Variants in SEMA5A observed in about 807,000 individuals in gnomAD.
The protein encoded by SEMA5A is semaphorin-5A.
Under a neutral mutation model 135.5 loss-of-function variants are expected in SEMA5A, and 55 were observed. The ratio of observed to expected loss-of-function variants is 0.41; its 90% CI spans 0.33 to 0.51. SEMA5A has a LOEUF of 0.51. Among genes scored for constraint, SEMA5A ranks in the 20% least tolerant of loss-of-function variants. The pLI is 0.37. For synonymous variants in SEMA5A, 580 were observed against 546.5 expected, an observed-to-expected ratio of 1.06 and a Z score of -0.85; for missense variants, 1,290 against 1,419.9, an observed-to-expected ratio of 0.91 and a Z score of 1.47.
In SEMA5A at chr5:9,247,047, T is replaced by C. The variant is rs1748518540; in HGVS notation, c.271-9157A>G. Among the ~76,000 whole-genome samples the C allele has an allele frequency of 2.0e-5, 3 of 152,152 alleles. No homozygotes were observed. In the South Asian group the frequency reaches 6.2e-4, roughly 32 times the overall value. On this transcript the variant is annotated intron_variant, in intron 5 of 22. Coordinates refer to ENST00000382496, the MANE Select transcript of SEMA5A (RefSeq NM_003966.3). ...TGTAGCAAGTAAGAAGAAGTACCAA[T>C]CTTTTTATTTTGAGGCAACATGAAA... is the stretch of plus-strand genomic sequence containing the variant.
chr5:9,498,443 A>G (rs1014917391), intron 1 of SEMA5A: 5 of 152,184 alleles, frequency 3.3e-5, no homozygotes, highest in Admixed American at 3.3e-4. Context: ...ACAATTTAGA[A>G]ATTTTAATAC....
chr5:9,037,956 C>T lies in SEMA5A; in HGVS notation c.*4941G>A, dbSNP rs1396473966. ...GTTTCTTAGGTCAAAGTGAACATTT[C>T]TCTATGTTCTCCCATTTCACCCACT... On this transcript the variant is annotated 3_prime_UTR_variant, in exon 23 of 23. Coordinates refer to ENST00000382496, the MANE Select transcript of SEMA5A (RefSeq NM_003966.3). 6.6e-6 allele frequency: 1 copy of T among 152,198 alleles called. No individual in the cohort carries two copies. Among genetic ancestry groups the T allele is most frequent in the African/African-American group, 2.4e-5 (1 of 41,450 alleles). The allele number at this position is 152,198 out of a possible 1,614,324, so 9.4% of individuals were successfully genotyped here.
intron 2 of SEMA5A, among the ~76,000 whole-genome samples, chr5:9,396,246 G>GCGCACACACACA (rs1554030585): frequency 2.7e-5 from 4 of 148,954 alleles, no homozygotes; most frequent in East Asian, 4.0e-4. Flanking sequence ...GCGCGTGCGT[G>GCGCACACACACA]CACACACACA....
intron 1 of SEMA5A, chr5:9,517,159 C>G (rs1441818097): frequency 6.6e-6 from 1 of 152,184 alleles, no homozygotes; most frequent in Non-Finnish European, 1.5e-5. Context: ...TGGGTGGGAG[C>G]AAGCCCACCT....
chr5:9,499,202 T>G (rs1735459574), intron 1 of SEMA5A, among the ~76,000 whole-genome samples: 1 of 152,218 alleles, frequency 6.6e-6, no homozygotes, highest in Non-Finnish European at 1.5e-5. Flanking sequence ...CCAAGTCCTA[T>G]GCTCTTAAAA....
At chr5:9,132,576 T>C (rs1322359679) in intron 13 of SEMA5A, among the ~76,000 whole-genome samples, 1 of 152,232 alleles carries the variant, frequency 6.6e-6, no homozygotes, top group Admixed American at 6.5e-5. Flanking sequence ...TTTAAATCAC[T>C]CAGCCTTATG....
intron 10 of SEMA5A, among the ~76,000 whole-genome samples, chr5:9,194,115 G>A (rs1745260766): frequency 1.3e-5 from 2 of 152,100 alleles, no homozygotes; most frequent in African/African-American, 4.8e-5. Flanking sequence ...GTGCCACTGG[G>A]CCTCGGTGAT....
intron 11 of SEMA5A, among the ~76,000 whole-genome samples, chr5:9,172,714 A>T (rs1194213461): frequency 6.6e-6 from 1 of 152,236 alleles, no homozygotes; most frequent in African/African-American, 2.4e-5. Context: ...TACTAATTTC[A>T]GACAATAATG....
chr5:9,531,513 GA>G (rs1225800637), intron 1 of SEMA5A, among the ~76,000 whole-genome samples: 1 of 152,164 alleles, frequency 6.6e-6, no homozygotes, highest in Non-Finnish European at 1.5e-5. Context: ...AGGGCATGCA[GA>G]CACACAGGAC....
intron 13 of SEMA5A, among the ~76,000 whole-genome samples, chr5:9,135,179 C>CTTTT (rs11297927): frequency 8.1e-6 from 1 of 123,528 alleles, no homozygotes; most frequent in Non-Finnish European, 1.7e-5. Flanking sequence ...TTCCGACTTT[C>CTTTT]TTTTTTTTTT....
chr5:9,053,128 A>G (rs1579308249), intron 19 of SEMA5A, among the ~76,000 whole-genome samples: 1 of 152,142 alleles, frequency 6.6e-6, no homozygotes, highest in African/African-American at 2.4e-5. Flanking sequence ...TTAGACCAAG[A>G]AAAGAATAGC....
chr5:9,188,845 C>T (rs1180550072), intron 11 of SEMA5A, among the ~76,000 whole-genome samples: 1 of 107,500 alleles, frequency 9.3e-6, no homozygotes, highest in Non-Finnish European at 1.8e-5. Context: ...CCAGATAACT[C>T]ATCAATCCTC....
chr5:9,053,155 T>A (rs149045795), intron 19 of SEMA5A, among the ~76,000 whole-genome samples: 1 of 152,210 alleles, frequency 6.6e-6, no homozygotes, highest in Non-Finnish European at 1.5e-5. Context: ...TCATTCCAGG[T>A]CATTCCTTCA....
intron 1 of SEMA5A, among the ~76,000 whole-genome samples, chr5:9,440,352 T>G (rs1422433523): frequency 6.6e-6 from 1 of 152,252 alleles, no homozygotes; most frequent in East Asian, 1.9e-4. Context: ...TTGGAAAATT[T>G]TTAAGCGACA....
chr5:9,076,984 T>C (rs1333981141), intron 16 of SEMA5A, among the ~76,000 whole-genome samples: 1 of 152,036 alleles, frequency 6.6e-6, no homozygotes, highest in Non-Finnish European at 1.5e-5. Context: ...ACAGTGCTTT[T>C]TCATGCTGGC....
At chr5:9,180,305 T>C (rs888541133) in intron 11 of SEMA5A, among the ~76,000 whole-genome samples, 2 of 152,212 alleles carry the variant, frequency 1.3e-5, no homozygotes, top group African/African-American at 4.8e-5. Context: ...CACCAGGTAA[T>C]TGAGTTGCTA....
chr5:9,059,345 G>A (rs984344234), intron 18 of SEMA5A, among the ~76,000 whole-genome samples: 12 of 152,100 alleles, frequency 7.9e-5, no homozygotes, highest in African/African-American at 2.9e-4. Context: ...AAGGAGTGAA[G>A]AAGAAATAAT....
At chr5:9,082,189 G>C (rs16881941) in intron 16 of SEMA5A, among the ~76,000 whole-genome samples, 1,958 of 152,246 alleles carry the variant, frequency 0.013, 46 homozygotes, top group African/African-American at 0.044. Context: ...ACTGAAAATA[G>C]GGGTGCATCC....
rs1742850678 is a variant in SEMA5A, at chr5:9,154,586, G to C, written c.1383C>G (p.Ser461Arg). ...CACTCTGGCTGTGCAGGATCTGCAG[G>C]CTCCTGATGGGCTCCCTCCGCCTCT... is the stretch of plus-strand genomic sequence containing the variant. Reference protein sequence around the residue: ...FPERRREPIRSLQILHSQSVL... With the variant: ...FPERRREPIRRLQILHSQSVL... The change falls in exon 12 of 23, where the codon AGC becomes AGG. Residue 461 changes from serine to arginine, a missense_variant. Coordinates refer to ENST00000382496, the MANE Select transcript of SEMA5A (RefSeq NM_003966.3). 4 of 1,613,822 alleles carry C rather than the reference G, an allele frequency of 2.5e-6. No homozygotes were observed. Among genetic ancestry groups the C allele is most frequent in the Non-Finnish European group, 8.5e-7 (1 of 1,180,016 alleles).
Sources: allele counts gnomAD v4.1 joint callset (sites outside exome capture counted in the v4.1 genomes callset), GRCh38; gene constraint gnomAD v4.1.1; transcripts MANE v1.5; gene names NCBI Gene and HGNC (gene_info 2026-07-23, HGNC 2026-07-21).